DPP10: variants seen among roughly 807,000 people sequenced by gnomAD.
DPP10 encodes dipeptidyl peptidase like 10, also known as inactive dipeptidyl peptidase 10.
A neutral mutation model predicts 120.9 loss-of-function variants in DPP10; 33 were observed. The observed-to-expected ratio is 0.27, with a 90% CI of 0.21 to 0.37. DPP10 has a LOEUF of 0.37. Ranked by LOEUF, DPP10 falls within the 10% of genes least tolerant of loss-of-function variation. The probability of loss-of-function intolerance (pLI) is 1.00; values close to 1 mark genes in which losing one functional copy is unlikely to be tolerated. For missense variants in DPP10, 816 were observed against 942.8 expected (o/e 0.87, Z 1.76); for synonymous variants, 337 against 326.1 (o/e 1.03, Z -0.36).
chr2:115,241,552 A>G (rs1007192492), intron 1 of DPP10, among the ~76,000 whole-genome samples: 8 of 152,226 alleles, frequency 5.3e-5, no homozygotes, highest in African/African-American at 1.9e-4. Flanking sequence ...AATCAGTAAT[A>G]GCATATTGCT....
intron 1 of DPP10, among the ~76,000 whole-genome samples, chr2:115,046,603 A>C (rs901665903): frequency 6.6e-6 from 1 of 152,146 alleles, no homozygotes; most frequent in Non-Finnish European, 1.5e-5. Context: ...TTGTACTTTG[A>C]ATAGTTAATG....
chr2:115,414,943 A>G (rs142518148), intron 3 of DPP10, among the ~76,000 whole-genome samples: 218 of 152,258 alleles, frequency 1.4e-3, no homozygotes, highest in African/African-American at 5.0e-3. Flanking sequence ...CGGAGAAACC[A>G]TATTTGTTAA....
intron 1 of DPP10, chr2:115,161,897 T>G: frequency 7.1e-7 from 1 of 1,413,156 alleles, no homozygotes; most frequent in South Asian, 1.4e-5. Context: ...CGCTGCCAAG[T>G]GACGGTCCCC....
intron 1 of DPP10, among the ~76,000 whole-genome samples, chr2:115,264,046 T>C (rs1194795324): frequency 6.6e-6 from 1 of 152,130 alleles, no homozygotes; most frequent in Non-Finnish European, 1.5e-5. Context: ...CCATAGTAAA[T>C]ACTCAATAGA....
At chr2:115,468,883 C>A in intron 3 of DPP10, 1 of 414,454 alleles carries the variant, frequency 2.4e-6, no homozygotes. Flanking sequence ...GACTGGTCTT[C>A]AACTCCCACT....
At chr2:115,395,557 C>T (rs570869746) in intron 3 of DPP10, among the ~76,000 whole-genome samples, 1 of 152,150 alleles carries the variant, frequency 6.6e-6, no homozygotes, top group Non-Finnish European at 1.5e-5. Context: ...TTTTACTTGA[C>T]TGATTAATGT....
chr2:115,539,818 A>T (rs2079074098), intron 5 of DPP10, among the ~76,000 whole-genome samples: 1 of 93,318 alleles, frequency 1.1e-5, no homozygotes, highest in Non-Finnish European at 2.0e-5. Flanking sequence ...ACTTCAAGTT[A>T]AAAAAAAAAA....
intron 1 of DPP10, among the ~76,000 whole-genome samples, chr2:115,005,552 G>A (rs541918520): frequency 5.5e-4 from 83 of 151,870 alleles, no homozygotes; most frequent in African/African-American, 1.6e-3. Flanking sequence ...ACCAAGGCTC[G>A]AGAACTACGT....
intron 5 of DPP10, among the ~76,000 whole-genome samples, chr2:115,609,993 C>T (rs1321671245): frequency 6.6e-6 from 1 of 152,096 alleles, no homozygotes; most frequent in African/African-American, 2.4e-5. Context: ...AATATTCAAA[C>T]GTTTTGTAGC....
chr2:114,775,056 T>G (rs1574157668), intron 1 of DPP10, among the ~76,000 whole-genome samples: 1 of 152,094 alleles, frequency 6.6e-6, no homozygotes, highest in Non-Finnish European at 1.5e-5. Context: ...GAATTTGACC[T>G]CAGCCAATCT....
intron 1 of DPP10, among the ~76,000 whole-genome samples, chr2:114,888,142 CAAA>C (rs1231068172): frequency 6.0e-5 from 4 of 66,380 alleles, no homozygotes; most frequent in Admixed American, 1.8e-4. Context: ...GCCTCCGTCT[CAAA>C]AAAAAAAAAA....
intron 3 of DPP10, among the ~76,000 whole-genome samples, chr2:115,414,348 C>G (rs985603417): frequency 6.6e-6 from 1 of 152,112 alleles, no homozygotes; most frequent in Non-Finnish European, 1.5e-5. Context: ...CAGCCAGATA[C>G]TAGTTTTATG....
intron 1 of DPP10, among the ~76,000 whole-genome samples, chr2:115,007,376 C>G (rs558194459): frequency 6.6e-6 from 1 of 152,138 alleles, no homozygotes; most frequent in African/African-American, 2.4e-5. Flanking sequence ...ATTCAACAAC[C>G]TTTCATGCTA....
At chr2:115,618,296 C>A in intron 5 of DPP10, among the ~76,000 whole-genome samples, 1 of 152,234 alleles carries the variant, frequency 6.6e-6, no homozygotes, top group East Asian at 1.9e-4. Flanking sequence ...CTAAAATATA[C>A]ATTGAGTGCA....
At chr2:114,550,466 A>T (rs1484573528) in intron 1 of DPP10, among the ~76,000 whole-genome samples, 1 of 152,252 alleles carries the variant, frequency 6.6e-6, no homozygotes, top group Non-Finnish European at 1.5e-5. Flanking sequence ...CACAGCCAGT[A>T]AGGAGCAGGG....
At chr2:115,477,694 A>G (rs1381681608) in intron 3 of DPP10, among the ~76,000 whole-genome samples, 1 of 152,140 alleles carries the variant, frequency 6.6e-6, no homozygotes, top group Non-Finnish European at 1.5e-5. Flanking sequence ...TAATCAGTAC[A>G]ATCCTCAATA....
chr2:115,457,624 A>G (rs1159715421), intron 3 of DPP10, among the ~76,000 whole-genome samples: 2 of 152,030 alleles, frequency 1.3e-5, no homozygotes, highest in Admixed American at 6.6e-5. Context: ...AATTAAAAAC[A>G]TAATGAAATA....
intron 1 of DPP10, among the ~76,000 whole-genome samples, chr2:114,715,960 T>A (rs1279036001): frequency 6.6e-6 from 1 of 151,750 alleles, no homozygotes; most frequent in African/African-American, 2.4e-5. Flanking sequence ...ACCAAATAAG[T>A]GGTGTCAATA....
chr2:114,648,115 T>A (rs1435873), intron 1 of DPP10, among the ~76,000 whole-genome samples: 51,003 of 151,922 alleles, frequency 0.34, 11,156 homozygotes, highest in African/African-American at 0.62. Flanking sequence ...TTTGGCAAAA[T>A]ATCTATCCTG....
Sources: gnomAD v4.1 joint callset for allele counts (sites outside exome capture counted in the v4.1 genomes callset) on GRCh38, gnomAD v4.1.1 for gene constraint, MANE v1.5 for transcripts, NCBI Gene and HGNC (gene_info 2026-07-23, HGNC 2026-07-21) for gene names.